Variants in KIF21B observed in about 807,000 individuals in gnomAD.
KIF21B encodes kinesin family member 21B.
KIF21B carries 85 observed loss-of-function variants against 192.9 expected under a neutral mutation model. The observed-to-expected ratio is 0.44, with a 90% CI of 0.37 to 0.53. KIF21B has a LOEUF of 0.53. KIF21B is among the 20% of genes least tolerant of loss of function. The pLI is 0.00. For missense variants in KIF21B, 1,716 were observed against 2,194.8 expected (o/e 0.78, Z 4.36); for synonymous variants, 832 against 884.6 (o/e 0.94, Z 1.05).
chr1:201,002,227 C>T lies in KIF21B; in HGVS notation c.1336G>A (p.Asp446Asn), dbSNP rs866076396. The change falls in exon 9 of 35, where the codon GAT becomes AAT. Residue 446 changes from aspartate (D) to asparagine (N), a missense_variant. Physicochemically the swap from Asp to Asn is conservative, Grantham distance 23. Coordinates refer to ENST00000461742, the MANE Select transcript of KIF21B (RefSeq NM_001252102.2). ...TGGGTGACGCGGTTGTTGATGGCAT[C>T]GATGGCCTCCTGCATGGCTTTCACC... is the stretch of plus-strand genomic sequence containing the variant. The part of the protein sequence containing the change: ...LRVKAMQEAI[D>N]AINNRVTQLM... 8.7e-6 allele frequency: 14 copies of T among 1,614,064 alleles called. No homozygotes were observed. Among genetic ancestry groups the T allele is most frequent in the African/African-American group, 6.7e-5 (5 of 74,908 alleles).
In KIF21B at chr1:200,982,609, G is replaced by A. The variant is rs1656016914; in HGVS notation, c.3842+447C>T. Among the ~76,000 whole-genome samples the A allele has an allele frequency of 1.3e-5, 2 of 152,124 alleles. No homozygotes were observed. The highest frequency in any genetic ancestry group is 4.8e-5 in the African/African-American group (2 of 41,412). On this transcript the variant is annotated intron_variant, in intron 28 of 34. Transcript: ENST00000461742. The surrounding 1 kb of genome is among the most constrained non-coding windows in gnomAD (Gnocchi z 4.7). ...GGTGCCCCTCCCAGAGCCAACGTCT[G>A]AAAAGCTCACCCCCAGCACAAGCTG... is the stretch of plus-strand genomic sequence containing the variant.
At position 200,986,184 on chromosome 1, in the gene KIF21B, C is replaced by A. The variant is rs12118198; in HGVS notation, c.3689+660G>T. Among the ~76,000 whole-genome samples the A allele has an allele frequency of 2.2e-3, 329 of 151,800 alleles. 1 individual carries two copies. The highest frequency in any genetic ancestry group is 7.2e-3 in the African/African-American group (300 of 41,408). ...CTCACACCATAAGGCCTTAAAAAGA[C>A]CTGAAAGCTCCCCAGAACCTATGGT... On this transcript the variant is annotated intron_variant, in intron 26 of 34. Coordinates refer to ENST00000461742, the MANE Select transcript of KIF21B (RefSeq NM_001252102.2).
In KIF21B at chr1:200,979,521, C is replaced by CG; in HGVS notation, c.4160+13dup. On this transcript the variant is annotated intron_variant, in intron 30 of 34. Transcript: ENST00000461742. ...CTGCAGCCGACCACTGTGAGGCAGG[C>CG]GGGGGTTACTCACGTGAGAGTCCGA... 1 of 1,517,490 alleles carries CG rather than the reference C, an allele frequency of 6.6e-7. No individual in the cohort carries two copies. Among genetic ancestry groups the CG allele is most frequent in the Non-Finnish European group, 8.9e-7 (1 of 1,129,450 alleles). 94.0% of individuals were successfully genotyped at this position (1,517,490 alleles called of 1,614,324 possible).
intron 14 of KIF21B, 64 bp from the exon 15 acceptor site, chr1:200,996,459 C>A: frequency 6.9e-7 from 1 of 1,446,370 alleles, no homozygotes; most frequent in South Asian, 1.1e-5. Context: ...AATACAGGGT[C>A]ATCAAGGGGG....
intron 27 of KIF21B, among the ~76,000 whole-genome samples, chr1:200,984,177 G>A (rs1324591843): frequency 6.6e-6 from 1 of 152,160 alleles, no homozygotes; most frequent in Non-Finnish European, 1.5e-5. Flanking sequence ...CAGGCTCTGG[G>A]TGCAATTCTG....
chr1:200,979,167 C>A (rs1557998387), intron 30 of KIF21B, among the ~76,000 whole-genome samples: 1 of 151,844 alleles, frequency 6.6e-6, no homozygotes, highest in Non-Finnish European at 1.5e-5. Context: ...AGGGCCATGA[C>A]TGGGTGGTCG....
chr1:200,983,137 G>A, intron 27 of KIF21B, 43 bp from the exon 28 acceptor site: 1 of 1,507,144 alleles, frequency 6.6e-7, no homozygotes, highest in South Asian at 1.2e-5. Flanking sequence ...GGTGAGAGGA[G>A]ACACACACAG....
rs894035629 is a variant in KIF21B, at chr1:200,998,844, C to G, written c.1886-269G>C. Among the ~76,000 whole-genome samples the G allele has an allele frequency of 2.0e-5, 3 of 152,166 alleles. No homozygotes were observed. Among genetic ancestry groups the G allele is most frequent in the African/African-American group, 4.8e-5 (2 of 41,440 alleles). ...CTTCCCAGCCATTCGAGGCCAGCAT[C>G]CACCTGTTCCAGATGACATGGGACC... On this transcript the variant is annotated intron_variant, in intron 13 of 34. Coordinates refer to ENST00000461742, the MANE Select transcript of KIF21B (RefSeq NM_001252102.2). The surrounding 1 kb of genome is among the most constrained non-coding windows in gnomAD (Gnocchi z 4.3).
Position 200,987,080 on chromosome 1 carries a change from T to C in KIF21B, c.3530A>G (p.Asp1177Gly), listed in dbSNP as rs1656354688. 6.2e-7 allele frequency: 1 copy of C among 1,613,850 alleles called. No homozygotes were observed. The highest frequency in any genetic ancestry group is 8.5e-7 in the Non-Finnish European group (1 of 1,179,988). Residue 1177 changes from aspartate to glycine, a missense_variant, in exon 25 of 35, where the codon GAC (aspartate) becomes GGC (glycine). By Grantham distance (94) the Asp-to-Gly change is moderately conservative (BLOSUM62 -1). This residue lies in a region of KIF21B where 580 missense variants were observed against 775.5 expected (regional missense o/e 0.75). Coordinates refer to ENST00000461742, the MANE Select transcript of KIF21B (RefSeq NM_001252102.2). ...SLASLVEIKEDGVGFSVRDPY... is the reference protein window; with the variant it reads ...SLASLVEIKEGGVGFSVRDPY... ...GTCTCGGACAGAGAAGCCCACTCCGTCCTCTTTGATCTCAACGAGGGAGGC... is the reference window on the plus strand; with the variant it reads ...GTCTCGGACAGAGAAGCCCACTCCGCCCTCTTTGATCTCAACGAGGGAGGC...
At position 201,009,138 on chromosome 1, in the gene KIF21B, G is replaced by A. The variant is rs962865336; in HGVS notation, c.264+128C>T. On this transcript the variant is annotated intron_variant, in intron 2 of 34. Coordinates refer to ENST00000461742, the MANE Select transcript of KIF21B (RefSeq NM_001252102.2). The stretch of plus-strand genomic sequence containing the variant: ...TCCCTCTGCTAACCAGCGGTGCAAC[G>A]GCCTCCTTAGACAATAGACAAAACC... The A allele has an allele frequency of 4.4e-5, 49 of 1,123,452 alleles. No homozygotes were observed. In the East Asian group the frequency reaches 7.4e-4, roughly 17 times the overall value. The allele number at this position is 1,123,452 out of a possible 1,614,324, so 69.6% of individuals were successfully genotyped here. A position where few individuals can be genotyped will look rare whatever the true frequency, so the allele number is the denominator to read the frequency against.
In KIF21B at chr1:200,999,938, C is replaced by T; in HGVS notation, c.1712G>A (p.Arg571Lys). Residue 571 changes from arginine (R) to lysine (K), a missense_variant, in exon 12 of 35, where the codon AGG (arginine) becomes AAG (lysine). Physicochemically the swap from Arg to Lys is conservative, Grantham distance 26. Coordinates refer to ENST00000461742, the MANE Select transcript of KIF21B (RefSeq NM_001252102.2). This position sits in a 1 kb window ranked among gnomAD's most constrained non-coding sequence, Gnocchi z 4.7. ...KSPEKEAFKKRAKLQQENSEE... is the reference protein window; with the variant it reads ...KSPEKEAFKKKAKLQQENSEE... ...GCTGTTCTCCTGTTGGAGTTTTGCCCTCTTTTTGAAGGCTTCCTTCTCGGG... is the reference window on the plus strand; with the variant it reads ...GCTGTTCTCCTGTTGGAGTTTTGCCTTCTTTTTGAAGGCTTCCTTCTCGGG... 1 of 1,613,982 alleles carries T rather than the reference C, an allele frequency of 6.2e-7. No individual in the cohort carries two copies. Among genetic ancestry groups the T allele is most frequent in the Non-Finnish European group, 8.5e-7 (1 of 1,180,010 alleles).
Position 200,990,264 on chromosome 1 carries a change from G to T in KIF21B, c.2904C>A (p.Ser968Arg). ...RRKRERLQAE[S>R]PEEEKGLQEL... is the part of the protein sequence containing the mutation. Reference sequence around the variant, plus strand: ...CCTGCAGCCCCTTCTCTTCCTCGGGGCTCTCAGCCTGCAGCCGCTCCCGCT... The same window carrying T: ...CCTGCAGCCCCTTCTCTTCCTCGGGTCTCTCAGCCTGCAGCCGCTCCCGCT... The change falls in exon 20 of 35, where the codon AGC becomes AGA. Residue 968 changes from serine (S) to arginine (R), a missense_variant. Physicochemically the swap from Ser to Arg is moderately radical, Grantham distance 110. This residue lies in a region of KIF21B where 1,087 missense variants were observed against 1,316.6 expected (regional missense o/e 0.83). Coordinates refer to ENST00000461742, the MANE Select transcript of KIF21B (RefSeq NM_001252102.2). The surrounding 1 kb of genome is among the most constrained non-coding windows in gnomAD (Gnocchi z 5.4). 1 of 1,613,716 alleles carries T rather than the reference G, an allele frequency of 6.2e-7. No individual in the cohort carries two copies. The highest frequency in any genetic ancestry group is 8.5e-7 in the Non-Finnish European group (1 of 1,179,940).
At chr1:201,005,000 A>T in intron 5 of KIF21B, 67 bp from the exon 6 acceptor site, 1 of 1,533,024 alleles carries the variant, frequency 6.5e-7, no homozygotes, top group Admixed American at 1.8e-5. Flanking sequence ...TGATCACAGT[A>T]CTGCCATCCG....
At position 201,023,367 on chromosome 1, in the gene KIF21B, T is replaced by A. The variant is rs1558035079; in HGVS notation, c.17A>T (p.Asp6Val). Reference protein sequence around the residue: MAGQGDCCVKVAVRIR... With the variant: MAGQGVCCVKVAVRIR... ...CCTGACGGCCACCTTGACGCAGCAG[T>A]CCCCCTGGCCGGCCATGGCCCTCTG... The change falls in exon 1 of 35, where the codon GAC becomes GTC. Residue 6 changes from aspartate to valine, a missense_variant. Physicochemically the swap from Asp to Val is radical, Grantham distance 152 (BLOSUM62 -3). This residue lies in a region of KIF21B where 1,087 missense variants were observed against 1,316.6 expected (regional missense o/e 0.83). Transcript: ENST00000461742. The surrounding 1 kb of genome is among the most constrained non-coding windows in gnomAD (Gnocchi z 5.9). The A allele has an allele frequency of 6.5e-7, 1 of 1,527,576 alleles. No homozygotes were observed. The highest frequency in any genetic ancestry group is 8.8e-7 in the Non-Finnish European group (1 of 1,139,746). 94.6% of individuals were successfully genotyped at this position (1,527,576 alleles called of 1,614,324 possible). A position where few individuals can be genotyped will look rare whatever the true frequency, so the allele number is the denominator to read the frequency against.
chr1:200,977,359 A>G lies in KIF21B; in HGVS notation c.4178T>C (p.Ile1393Thr), dbSNP rs149261347. Residue 1393 changes from isoleucine to threonine, a missense_variant, in exon 31 of 35, where the codon ATC (isoleucine) becomes ACC (threonine). Ile to Thr is a moderately conservative substitution (Grantham distance 89). This residue lies in a region of KIF21B where 580 missense variants were observed against 775.5 expected (regional missense o/e 0.75). Coordinates refer to ENST00000461742, the MANE Select transcript of KIF21B (RefSeq NM_001252102.2). ...IRTLTSSGQV[I>T]SGDACAATST... ...TGTGGCGGCACAGGCATCCCCTGAG[A>G]TCACCTGGCCCGAGGACCTGCCCAT... is the stretch of plus-strand genomic sequence containing the variant. The G allele has an allele frequency of 1.7e-5, 28 of 1,614,062 alleles. No homozygotes were observed. The African/African-American group carries it at 3.2e-4, about 18-fold the overall frequency.
chr1:201,009,208 A>T (rs1186480894), intron 2 of KIF21B, 58 bp downstream of exon 2: 15 of 1,502,994 alleles, frequency 1.0e-5, no homozygotes, highest in Admixed American at 1.8e-5. Flanking sequence ...CTTTCTCTCC[A>T]TTGGATGCAG....
rs930814322 is a variant in KIF21B, at chr1:201,023,690, A to C, written c.-307T>G. Reference sequence around the variant, plus strand: ...CACGCGCACACACCTCCCACCCGGCAGCCACCTCCCGCCGCAGCGCGAACA... The same window carrying C: ...CACGCGCACACACCTCCCACCCGGCCGCCACCTCCCGCCGCAGCGCGAACA... On this transcript the variant is annotated 5_prime_UTR_variant, in exon 1 of 35. Coordinates refer to ENST00000461742, the MANE Select transcript of KIF21B (RefSeq NM_001252102.2). The surrounding 1 kb of genome is among the most constrained non-coding windows in gnomAD (Gnocchi z 5.9). The C allele has an allele frequency of 5.3e-5, 8 of 151,284 alleles. No individual in the cohort carries two copies. Among genetic ancestry groups the C allele is most frequent in the African/African-American group, 1.9e-4 (8 of 41,260 alleles). 9.4% of individuals were successfully genotyped at this position (151,284 alleles called of 1,614,324 possible). A position where few individuals can be genotyped will look rare whatever the true frequency, so the allele number is the denominator to read the frequency against.
chr1:200,981,447 G>A (rs931742982), intron 28 of KIF21B, among the ~76,000 whole-genome samples: 91 of 152,196 alleles, frequency 6.0e-4, no homozygotes, highest in African/African-American at 2.0e-3. Flanking sequence ...GAATGCGCCC[G>A]GGTCCAGCTG....
chr1:201,002,191 G>C lies in KIF21B; in HGVS notation c.1372C>G (p.Gln458Glu), dbSNP rs1408476064. The C allele has an allele frequency of 6.2e-7, 1 of 1,614,144 alleles. No homozygotes were observed. The highest frequency in any genetic ancestry group is 8.5e-7 in the Non-Finnish European group (1 of 1,180,028). The change falls in exon 9 of 35, where the codon CAG becomes GAG. Residue 458 changes from glutamine to glutamate, a missense_variant. Around this residue, in one of 3 missense-constraint regions of KIF21B, gnomAD observed 1,087 missense variants for 1,316.6 expected, o/e 0.83. Coordinates refer to ENST00000461742, the MANE Select transcript of KIF21B (RefSeq NM_001252102.2). ...INNRVTQLMS[Q>E]EANLLLAKAG... ...TTGGCTAGCAGCAGGTTGGCCTCCT[G>C]GCTCATGAGCTGGGTGACGCGGTTG...
Sources: gnomAD v4.1 joint callset for allele counts (sites outside exome capture counted in the v4.1 genomes callset) on GRCh38, gnomAD v4.1.1 for gene constraint, gnomAD v4.1.1 regional missense constraint, Gnocchi (gnomAD v3.1) non-coding constraint, MANE v1.5 for transcripts, NCBI Gene and HGNC (gene_info 2026-07-23, HGNC 2026-07-21) for gene names.